The following GAB2 variants were observed in gnomAD, a reference collection of about 807,000 sequenced individuals.
GAB2 encodes GRB2-associated-binding protein 2.
Under a neutral mutation model 65.5 loss-of-function variants are expected in GAB2, and 26 were observed. That is an observed-to-expected ratio of 0.40 (90% CI 0.29 to 0.55). The LOEUF is 0.55. Among genes scored for constraint, GAB2 ranks in the 20% least tolerant of loss-of-function variants. GAB2 has a pLI of 0.53. For synonymous variants in GAB2, 321 were observed against 329.6 expected, an observed-to-expected ratio of 0.97 and a Z score of 0.28; for missense variants, 884 against 875.8, an observed-to-expected ratio of 1.01 and a Z score of -0.12.
At position 78,221,675 on chromosome 11, in the gene GAB2, AC is replaced by A; in HGVS notation, c.1761+1del. 6.3e-7 allele frequency: 1 copy of A among 1,597,876 alleles called. No individual in the cohort carries two copies. The highest frequency in any genetic ancestry group is 8.6e-7 in the Non-Finnish European group (1 of 1,166,118). ...CATTCCAGCGAAGCCCGAAGGACTC[AC>A]CATAGGGACATAGTTCTCTTCGCTG... On this transcript the variant is annotated splice_donor_variant, in intron 8 of 9. Transcript: ENST00000361507. LOFTEE classifies it high-confidence loss of function.
At chr11:78,363,578 T>C (rs1856460822) in intron 1 of GAB2, among the ~76,000 whole-genome samples, 1 of 150,886 alleles carries the variant, frequency 6.6e-6, no homozygotes, top group African/African-American at 2.5e-5. Context: ...TAAATAGAAA[T>C]ATATTTTCTT....
At chr11:78,312,516 C>A (rs59551821) in intron 1 of GAB2, among the ~76,000 whole-genome samples, 3 of 152,210 alleles carry the variant, frequency 2.0e-5, no homozygotes, top group African/African-American at 7.2e-5. Context: ...ACCTCCACCT[C>A]GCTGTTTCAA....
intron 3 of GAB2, among the ~76,000 whole-genome samples, chr11:78,242,637 T>C (rs967219440): frequency 1.3e-5 from 2 of 151,822 alleles, no homozygotes; most frequent in African/African-American, 2.4e-5. Context: ...TAAATGCTAA[T>C]ACCAAAAAAG....
intron 2 of GAB2, among the ~76,000 whole-genome samples, chr11:78,270,815 T>C (rs1865991174): frequency 6.6e-6 from 1 of 152,242 alleles, no homozygotes; most frequent in Non-Finnish European, 1.5e-5. Flanking sequence ...TACCTGTACA[T>C]TCTCCAAGCT....
chr11:78,292,027 T>TGAGAGA (rs1176415934), intron 1 of GAB2, among the ~76,000 whole-genome samples: 9 of 141,590 alleles, frequency 6.4e-5, no homozygotes, highest in Admixed American at 1.4e-4. Flanking sequence ...TGTGTGTGTG[T>TGAGAGA]GTGAGAGAGA....
chr11:78,417,701 A>ACGTCGC lies in GAB2; in HGVS notation c.14_19dup (p.Gly5_Asp6dup). Reference sequence around the variant, plus strand: ...TTTCCTCAGCCAGCCGGTGCACACCACGTCGCCGCCGCCGCTCATGCTGCC... The same window carrying ACGTCGC: ...TTTCCTCAGCCAGCCGGTGCACACCACGTCGCCGTCGCCGCCGCCGCTCATGCTGCC... On this transcript the variant is annotated inframe_insertion, in exon 1 of 10. Coordinates refer to ENST00000361507, the MANE Select transcript of GAB2 (RefSeq NM_080491.3). The ACGTCGC allele has an allele frequency of 3.0e-6, 4 of 1,350,178 alleles. No homozygotes were observed. Among genetic ancestry groups the ACGTCGC allele is most frequent in the Non-Finnish European group, 3.9e-6 (4 of 1,025,560 alleles). 83.6% of individuals were successfully genotyped at this position (1,350,178 alleles called of 1,614,324 possible). A position where few individuals can be genotyped will look rare whatever the true frequency, so the allele number is the denominator to read the frequency against.
At chr11:78,238,212 A>C (rs1261637645) in intron 3 of GAB2, among the ~76,000 whole-genome samples, 1 of 151,148 alleles carries the variant, frequency 6.6e-6, no homozygotes, top group East Asian at 1.9e-4. Flanking sequence ...GAAACAAAAA[A>C]AAAAAAAAAA....
rs371865472 is a variant in GAB2 at position 78,280,879 on chromosome 11, A to G, written c.98T>C (p.Ile33Thr). 2 of 1,613,870 alleles carry G rather than the reference A, an allele frequency of 1.2e-6. No homozygotes were observed. Among genetic ancestry groups the G allele is most frequent in the African/African-American group, 2.7e-5 (2 of 74,930 alleles). ...RRYAWKKRWF[I>T]LRSGRMSGDP... ...ACCGCTCATCCGGCCACTCCGCAGG[A>G]TAAACCAGCGTTTCTTCCAGGCCTA... The change falls in exon 2 of 10, where the codon ATC becomes ACC. Residue 33 changes from isoleucine (I) to threonine (T), a missense_variant. Physicochemically the swap from Ile to Thr is moderately conservative, Grantham distance 89. Coordinates refer to ENST00000361507, the MANE Select transcript of GAB2 (RefSeq NM_080491.3).
chr11:78,222,247 C>G (rs1394268839), intron 6 of GAB2, 52 bp from the exon 7 acceptor site: 1 of 1,107,050 alleles, frequency 9.0e-7, no homozygotes, highest in Non-Finnish European at 1.4e-6. Context: ...TAATGCTACA[C>G]ATACACACCT....
At chr11:78,374,798 C>CT (rs754262400) in intron 1 of GAB2, among the ~76,000 whole-genome samples, 58 of 152,102 alleles carry the variant, frequency 3.8e-4, no homozygotes, top group Non-Finnish European at 7.2e-4. Context: ...CACCAGGAAA[C>CT]TAAGAACTAA....
chr11:78,264,428 C>G (rs534143664), intron 2 of GAB2, among the ~76,000 whole-genome samples: 31 of 150,844 alleles, frequency 2.1e-4, no homozygotes, highest in Non-Finnish European at 4.4e-4. Flanking sequence ...GAGACACAGT[C>G]TCACTCTTTT....
rs550747410 is a variant in GAB2, at chr11:78,402,554, C to A, written c.75+15092G>T. Among the ~76,000 whole-genome samples the A allele has an allele frequency of 6.4e-5, 9 of 141,300 alleles. No homozygotes were observed. The East Asian group carries it at 2.0e-3, about 31-fold the overall frequency. The allele number at this position is 141,300 out of a possible 152,430, so 92.7% of individuals were successfully genotyped here. On this transcript the variant is annotated intron_variant, in intron 1 of 9. Transcript: ENST00000361507. ...AAGCAATTCTCCGGCCTCAGCCGCA[C>A]CCCCCCACCCCCACCCCCAATCGCC...
chr11:78,231,419 G>A (rs1167667002), intron 3 of GAB2, among the ~76,000 whole-genome samples: 3 of 151,260 alleles, frequency 2.0e-5, no homozygotes, highest in African/African-American at 4.9e-5. Flanking sequence ...TGCAATCTTG[G>A]CTCACTGCAA....
At chr11:78,285,891 T>C (rs1440936345) in intron 1 of GAB2, among the ~76,000 whole-genome samples, 2 of 152,234 alleles carry the variant, frequency 1.3e-5, no homozygotes, top group East Asian at 3.8e-4. Flanking sequence ...GGAACCTTCA[T>C]AATGCTTTTT....
In GAB2 at chr11:78,222,202, C is replaced by G; in HGVS notation, c.1568-7G>C. ...TCAAGTGGTGTTGGCTTTGCTGGAGCAGGAAAAGAAAGTCTGGTAATCAGC... is the reference window on the plus strand; with the variant it reads ...TCAAGTGGTGTTGGCTTTGCTGGAGGAGGAAAAGAAAGTCTGGTAATCAGC... On this transcript the variant is annotated splice_region_variant and splice_polypyrimidine_tract_variant and intron_variant, in intron 6 of 9. Coordinates refer to ENST00000361507, the MANE Select transcript of GAB2 (RefSeq NM_080491.3). 2 of 1,606,280 alleles carry G rather than the reference C, an allele frequency of 1.2e-6. No individual in the cohort carries two copies. The highest frequency in any genetic ancestry group is 1.7e-6 in the Non-Finnish European group (2 of 1,172,900).
intron 1 of GAB2, among the ~76,000 whole-genome samples, chr11:78,323,884 G>A (rs543450888): frequency 5.4e-5 from 7 of 130,288 alleles, no homozygotes; most frequent in African/African-American, 1.7e-4. Flanking sequence ...TGCAACCTCC[G>A]CCTCCCGGGT....
At chr11:78,328,112 TGACCTTG>T (rs1855855671) in intron 1 of GAB2, among the ~76,000 whole-genome samples, 1 of 152,220 alleles carries the variant, frequency 6.6e-6, no homozygotes, top group Non-Finnish European at 1.5e-5. Context: ...CACAAGGACC[TGACCTTG>T]GACCCTTCCC....
intron 2 of GAB2, among the ~76,000 whole-genome samples, chr11:78,260,205 C>T (rs1033449530): frequency 2.6e-5 from 4 of 152,208 alleles, no homozygotes; most frequent in Non-Finnish European, 4.4e-5. Context: ...ATCCCCCTTC[C>T]AAGGGAAGAC....
intron 2 of GAB2, among the ~76,000 whole-genome samples, chr11:78,257,271 T>C (rs1169548171): frequency 6.6e-6 from 1 of 152,148 alleles, no homozygotes; most frequent in Non-Finnish European, 1.5e-5. Flanking sequence ...GGCCAAATAA[T>C]GACTAGTTCC....
Sources: gnomAD v4.1 joint callset for allele counts (sites outside exome capture counted in the v4.1 genomes callset) on GRCh38, gnomAD v4.1.1 for gene constraint, MANE v1.5 for transcripts, NCBI Gene and HGNC (gene_info 2026-07-23, HGNC 2026-07-21) for gene names.